LDHC: variants seen among roughly 807,000 people sequenced by gnomAD.
LDHC encodes L-lactate dehydrogenase C chain.
In LDHC, 20 loss-of-function variants were observed where a neutral mutation model predicts 30.2. That is an observed-to-expected ratio of 0.66 (90% CI 0.47 to 0.96). The LOEUF (loss-of-function observed/expected upper bound fraction) is 0.96. Among genes scored for constraint, LDHC ranks in the 40% least tolerant of loss-of-function variants. The probability of loss-of-function intolerance (pLI) is 0.00; values close to 1 mark genes in which losing one functional copy is unlikely to be tolerated. For missense variants in LDHC, 362 were observed against 394.9 expected (o/e 0.92, Z 0.71); for synonymous variants, 139 against 132.7 (o/e 1.05, Z -0.32).
intron 5 of LDHC, among the ~76,000 whole-genome samples, chr11:18,436,780 C>T (rs536693972): frequency 1.8e-4 from 27 of 152,028 alleles, no homozygotes; most frequent in Non-Finnish European, 1.0e-4. Context: ...GCCACTGCAC[C>T]CGGCCGGGAT....
At chr11:18,412,439 C>T (rs1866907981) in intron 1 of LDHC, 31 bp downstream of exon 1, 4 of 353,348 alleles carry the variant, frequency 1.1e-5, no homozygotes, top group South Asian at 1.1e-4. Context: ...GTCATCTGTA[C>T]TGATTGCGCC....
intron 6 of LDHC, among the ~76,000 whole-genome samples, 181 bp downstream of exon 6, chr11:18,438,826 A>G (rs1848405528): frequency 6.6e-6 from 1 of 152,198 alleles, no homozygotes; most frequent in African/African-American, 2.4e-5. Flanking sequence ...CAAAAAGAAA[A>G]AGTACTTATT....
Position 18,428,922 on chromosome 11 carries a change from A to G in LDHC, c.245-815A>G, listed in dbSNP as rs555034831. 6.6e-5 allele frequency among the ~76,000 whole-genome samples: 10 copies of G among 151,764 alleles called. No individual in the cohort carries two copies. The South Asian group carries it at 2.1e-3, about 32-fold the overall frequency. ...ACCAGTATGAGTTAGTAAGTGCTTC[A>G]TAGTAGTGACATTGTATTCAACAGG... is the stretch of plus-strand genomic sequence containing the variant. On this transcript the variant is annotated intron_variant, in intron 3 of 7. Transcript: ENST00000541669.
chr11:18,424,539 C>T (rs1401829613), intron 3 of LDHC, among the ~76,000 whole-genome samples: 1 of 151,962 alleles, frequency 6.6e-6, no homozygotes, highest in Non-Finnish European at 1.5e-5. Flanking sequence ...TGTAGTAGCC[C>T]CAAACTGTAA....
At position 18,412,771 on chromosome 11, in the gene LDHC, C is replaced by A. The variant is rs1487262644; in HGVS notation, c.54C>A (p.Asn18Lys). The A allele has an allele frequency of 6.2e-7, 1 of 1,613,888 alleles. No homozygotes were observed. Among genetic ancestry groups the A allele is most frequent in the South Asian group, 1.1e-5 (1 of 91,058 alleles). The change falls in exon 2 of 8, where the codon AAC becomes AAA. Residue 18 changes from asparagine to lysine, a missense_variant. Transcript: ENST00000541669. ...AGAAGCTAATTGAGGATGATGAAAA[C>A]TCCCAGTGTAAAATTACTATTGTTG... ...LIEKLIEDDE[N>K]SQCKITIVGT...
At chr11:18,428,166 C>CTCT (rs909834723) in intron 3 of LDHC, among the ~76,000 whole-genome samples, 1 of 94,830 alleles carries the variant, frequency 1.1e-5, no homozygotes, top group Non-Finnish European at 2.0e-5. Flanking sequence ...CTTTCTCTCT[C>CTCT]TTTTTTTTTT....
chr11:18,444,250 T>G (rs1211401381), intron 6 of LDHC, among the ~76,000 whole-genome samples: 1 of 152,146 alleles, frequency 6.6e-6, no homozygotes, highest in African/African-American at 2.4e-5. Flanking sequence ...AAGGATTATG[T>G]TTTTAGCTAT....
chr11:18,448,200 A>C (rs1369173362), intron 7 of LDHC, among the ~76,000 whole-genome samples: 4 of 152,128 alleles, frequency 2.6e-5, no homozygotes, highest in Admixed American at 6.5e-5. Context: ...GAAGTGTCAA[A>C]TGAGTAATCA....
At chr11:18,419,552 A>G (rs1867081699) in intron 3 of LDHC, among the ~76,000 whole-genome samples, 1 of 152,222 alleles carries the variant, frequency 6.6e-6, no homozygotes, top group Admixed American at 6.5e-5. Context: ...AAGAACTTCC[A>G]CAAATAAACT....
Position 18,451,205 on chromosome 11 carries a change from C to T in LDHC, c.*78C>T. On this transcript the variant is annotated 3_prime_UTR_variant, in exon 8 of 8. Transcript: ENST00000541669. ...GTATTTTAAATTTTGAAAGTATTTTCATTTGATCTTTAAAAAATAAAAACA... is the reference window on the plus strand; with the variant it reads ...GTATTTTAAATTTTGAAAGTATTTTTATTTGATCTTTAAAAAATAAAAACA... The T allele has an allele frequency of 3.0e-6, 3 of 984,808 alleles. No homozygotes were observed. The highest frequency in any genetic ancestry group is 4.3e-6 in the Non-Finnish European group (3 of 699,508). 61.0% of individuals were successfully genotyped at this position (984,808 alleles called of 1,614,324 possible). A position where few individuals can be genotyped will look rare whatever the true frequency, so the allele number is the denominator to read the frequency against.
chr11:18,429,461 C>A (rs991879693), intron 3 of LDHC, among the ~76,000 whole-genome samples: 2 of 151,964 alleles, frequency 1.3e-5, no homozygotes, highest in African/African-American at 4.8e-5. Context: ...TTGCCTTGGG[C>A]CTTCATAACA....
intron 5 of LDHC, among the ~76,000 whole-genome samples, chr11:18,437,253 A>G (rs1423898729): frequency 2.0e-5 from 3 of 152,152 alleles, no homozygotes; most frequent in Non-Finnish European, 2.9e-5. Flanking sequence ...TTCTTTGTTT[A>G]TACTGCATTT....
At chr11:18,413,054 C>T (rs944935362) in intron 2 of LDHC, among the ~76,000 whole-genome samples, 1 of 122,520 alleles carries the variant, frequency 8.2e-6, no homozygotes, top group African/African-American at 3.0e-5. Context: ...CTTCTTCTTT[C>T]TTTTCCTTTC....
chr11:18,434,959 T>G, intron 5 of LDHC, 46 bp downstream of exon 5: 2 of 1,274,060 alleles, frequency 1.6e-6, no homozygotes, highest in Non-Finnish European at 2.2e-6. Flanking sequence ...TTCTTATCTC[T>G]ACTAGTGCTT....
chr11:18,446,128 T>G, intron 6 of LDHC, 82 bp from the exon 7 acceptor site: 1 of 1,215,038 alleles, frequency 8.2e-7, no homozygotes, highest in South Asian at 1.3e-5. Context: ...TAGATAACTT[T>G]AAAATGGATG....
At chr11:18,437,347 TAAC>T (rs1381371467) in intron 5 of LDHC, among the ~76,000 whole-genome samples, 5 of 152,262 alleles carry the variant, frequency 3.3e-5, no homozygotes, top group African/African-American at 4.8e-5. Context: ...ACATATTTTC[TAAC>T]AACCTTATAA....
At position 18,429,880 on chromosome 11, in the gene LDHC, G is replaced by T; in HGVS notation, c.388G>T (p.Asp130Tyr). The T allele has an allele frequency of 6.2e-7, 1 of 1,609,338 alleles. No individual in the cohort carries two copies. Among genetic ancestry groups the T allele is most frequent in the Non-Finnish European group, 8.5e-7 (1 of 1,176,768 alleles). Residue 130 changes from aspartate (D) to tyrosine (Y), a missense_variant, in exon 4 of 8, where the codon GAT becomes TAT. Asp to Tyr is a radical substitution (Grantham distance 160). Transcript: ENST00000541669. The stretch of plus-strand genomic sequence containing the variant: ...TCCTGCCATAGTCCATTATAGTCCT[G>T]ATTGTAAAATTCTTGTTGTTTCAAA... ...IIPAIVHYSP[D>Y]CKILVVSNPV...
At chr11:18,415,360 C>A (rs1866991965) in intron 3 of LDHC, 59 bp downstream of exon 3, 3 of 845,532 alleles carry the variant, frequency 3.5e-6, no homozygotes, top group Non-Finnish European at 5.8e-6. Flanking sequence ...ATAAATTTTA[C>A]CAAACAGATG....
Position 18,416,060 on chromosome 11 carries a change from G to A in LDHC, c.244+759G>A, listed in dbSNP as rs570138418. Among the ~76,000 whole-genome samples the A allele has an allele frequency of 1.1e-4, 16 of 151,912 alleles. No homozygotes were observed. The South Asian group carries it at 2.9e-3, about 28-fold the overall frequency. On this transcript the variant is annotated intron_variant, in intron 3 of 7. Coordinates refer to ENST00000541669, the MANE Select transcript of LDHC (RefSeq NM_017448.5). Reference sequence around the variant, plus strand: ...ACTTCGATATAATTGGAGCATATTTGGAAAACAGAAAGTATAAAGAAAAAT... The same window carrying A: ...ACTTCGATATAATTGGAGCATATTTAGAAAACAGAAAGTATAAAGAAAAAT...
Sources: allele counts gnomAD v4.1 joint callset (sites outside exome capture counted in the v4.1 genomes callset), GRCh38; gene constraint gnomAD v4.1.1; transcripts MANE v1.5; gene names NCBI Gene and HGNC (gene_info 2026-07-23, HGNC 2026-07-21).